The following IL12RB1 variants were observed in gnomAD, a reference collection of about 807,000 sequenced individuals.
IL12RB1 encodes interleukin 12 receptor subunit beta 1.
Under a neutral mutation model 94.4 loss-of-function variants are expected in IL12RB1, and 64 were observed. The observed-to-expected ratio is 0.68, with a 90% confidence interval of 0.55 to 0.83. The LOEUF (loss-of-function observed/expected upper bound fraction) is 0.83. Among genes scored for constraint, IL12RB1 ranks in the 40% least tolerant of loss-of-function variants. The pLI is 0.00. For synonymous variants in IL12RB1, 362 were observed against 355.5 expected, an observed-to-expected ratio of 1.02 and a Z score of -0.21; for missense variants, 814 against 855.6, an observed-to-expected ratio of 0.95 and a Z score of 0.61.
intron 2 of IL12RB1, 33 bp from the exon 3 acceptor site, chr19:18,082,297 C>T (rs2146418186): frequency 1.5e-6 from 2 of 1,353,076 alleles, no homozygotes; most frequent in Non-Finnish European, 2.1e-6. Context: ...GGGAACAGAC[C>T]AGAGTCTGGA....
chr19:18,098,723 T>TCC (rs769763547), intron 1 of IL12RB1: 4 of 456,548 alleles, frequency 8.8e-6, no homozygotes, highest in South Asian at 6.2e-5. Context: ...CCACCAAGTT[T>TCC]TCAGGTAGGG....
chr19:18,059,370 G>A lies in IL12RB1; in HGVS notation c.*238C>T, dbSNP rs1291390807. 2.2e-5 allele frequency: 13 copies of A among 603,386 alleles called. No individual in the cohort carries two copies. Among genetic ancestry groups the A allele is most frequent in the Admixed American group, 2.0e-4 (7 of 35,658 alleles). The allele number at this position is 603,386 out of a possible 1,614,324, so 37.4% of individuals were successfully genotyped here. On this transcript the variant is annotated 3_prime_UTR_variant, in exon 17 of 17. Coordinates refer to ENST00000593993, the MANE Select transcript of IL12RB1 (RefSeq NM_005535.3). Reference sequence around the variant, plus strand: ...TCCCAGTCCATTCTACGCCAGAACAGGTAAATGGCAGGGTCTGCTCCTGCC... The same window carrying A: ...TCCCAGTCCATTCTACGCCAGAACAAGTAAATGGCAGGGTCTGCTCCTGCC...
At chr19:18,076,641 C>A (rs2035500209) in intron 5 of IL12RB1, among the ~76,000 whole-genome samples, 1 of 152,080 alleles carries the variant, frequency 6.6e-6, no homozygotes, top group African/African-American at 2.4e-5. Flanking sequence ...TGGCCTCAAG[C>A]AATCCCACCC....
At chr19:18,092,757 GC>G (rs1253596591) in intron 1 of IL12RB1, among the ~76,000 whole-genome samples, 1 of 143,244 alleles carries the variant, frequency 7.0e-6, no homozygotes, top group African/African-American at 2.6e-5. Context: ...TCCCACCTCA[GC>G]CTCCCAAAGT....
At chr19:18,091,048 C>A (rs1173822009), upstream of IL12RB1, among the ~76,000 whole-genome samples, 4 of 151,796 alleles carry the variant, frequency 2.6e-5, no homozygotes, top group Non-Finnish European at 4.4e-5. Context: ...TGGGCTGGGG[C>A]CTCGAGCGCC....
In IL12RB1 at chr19:18,075,714, G is replaced by A. The variant is rs2035422742; in HGVS notation, c.700+35C>T. On this transcript the variant is annotated intron_variant, in intron 7 of 16. Transcript: ENST00000593993. ...CTCCGGCTGTTGCCTTATTTCTAATGCTTGCCCCTGTTCCTGTACTCAGAG... is the reference window on the plus strand; with the variant it reads ...CTCCGGCTGTTGCCTTATTTCTAATACTTGCCCCTGTTCCTGTACTCAGAG... 2.5e-6 allele frequency: 4 copies of A among 1,592,338 alleles called. No homozygotes were observed. The African/African-American group carries it at 4.0e-5, about 16-fold the overall frequency.
intron 5 of IL12RB1, among the ~76,000 whole-genome samples, chr19:18,076,846 A>T (rs893479519): frequency 4.6e-5 from 7 of 152,116 alleles, no homozygotes; most frequent in African/African-American, 1.4e-4. Context: ...AAAATTAATA[A>T]TTATTTTACT....
At chr19:18,063,233 C>T (rs1426150008) in intron 13 of IL12RB1, among the ~76,000 whole-genome samples, 1 of 151,202 alleles carries the variant, frequency 6.6e-6, no homozygotes, top group Non-Finnish European at 1.5e-5. Context: ...GCAGCTGAGA[C>T]TACAGGTGTG....
At chr19:18,088,565 TAAA>T (rs778266743), upstream of IL12RB1, among the ~76,000 whole-genome samples, 3 of 129,628 alleles carry the variant, frequency 2.3e-5, no homozygotes, top group Non-Finnish European at 1.7e-5. Flanking sequence ...TCCTGTCTCT[TAAA>T]AAAAAAAAAA....
intron 1 of IL12RB1, among the ~76,000 whole-genome samples, 176 bp from the exon 2 acceptor site, chr19:18,083,667 A>C (rs1482472951): frequency 2.2e-5 from 3 of 133,934 alleles, no homozygotes; most frequent in Non-Finnish European, 4.6e-5. Context: ...TTATCTGCCC[A>C]TCTACCCATC....
chr19:18,081,872 A>ATGGATGGATGGT (rs1463484497), intron 3 of IL12RB1, among the ~76,000 whole-genome samples: 113 of 151,982 alleles, frequency 7.4e-4, no homozygotes, highest in African/African-American at 2.6e-3. Flanking sequence ...GGATGGATGG[A>ATGGATGGATGGT]TGGATGGATG....
intron 8 of IL12RB1, among the ~76,000 whole-genome samples, chr19:18,072,717 A>G (rs1361293311): frequency 1.3e-5 from 2 of 151,982 alleles, no homozygotes; most frequent in African/African-American, 2.4e-5. Flanking sequence ...GGAGGCCGAG[A>G]CGGGTAGATC....
chr19:18,073,677 T>C, intron 7 of IL12RB1, 78 bp from the exon 8 acceptor site: 1 of 887,234 alleles, frequency 1.1e-6, no homozygotes, highest in Non-Finnish European at 1.9e-6. Flanking sequence ...AAATGATGGA[T>C]TCTCCACATT....
rs570001801 is a variant in IL12RB1, at chr19:18,078,471, G to A, written c.410-816C>T. Among the ~76,000 whole-genome samples the A allele has an allele frequency of 1.8e-4, 28 of 151,868 alleles. 1 individual carries two copies. The highest frequency in any genetic ancestry group is 5.1e-4 in the African/African-American group (21 of 41,464). On this transcript the variant is annotated intron_variant, in intron 4 of 16. Coordinates refer to ENST00000593993, the MANE Select transcript of IL12RB1 (RefSeq NM_005535.3). ...ATTTTTAATAAAGATTTATACACAGGATCCTGTTAGTGAAGATAACTTTAA... is the reference window on the plus strand; with the variant it reads ...ATTTTTAATAAAGATTTATACACAGAATCCTGTTAGTGAAGATAACTTTAA...
chr19:18,080,917 C>T lies in IL12RB1; in HGVS notation c.324G>A (p.Leu108=), dbSNP rs756976448. The change falls in exon 4 of 17, where the codon CTG becomes CTA. Residue 108 remains leucine (L), a synonymous_variant. Transcript: ENST00000593993. Reference sequence around the variant, plus strand: ...ATTCCACCCAGAGTGTGACAGTGTACAGCACAGACACCCCAGCCTGGTCGG... The same window carrying T: ...ATTCCACCCAGAGTGTGACAGTGTATAGCACAGACACCCCAGCCTGGTCGG... ...QFSDQAGVSV[L]YTVTLWVESW... 1.3e-5 allele frequency: 21 copies of T among 1,613,522 alleles called. No individual in the cohort carries two copies. Among genetic ancestry groups the T allele is most frequent in the Middle Eastern group, 3.3e-4 (2 of 6,082 alleles).
intron 1 of IL12RB1, among the ~76,000 whole-genome samples, chr19:18,093,622 G>A (rs971842939): frequency 3.3e-5 from 5 of 152,126 alleles, no homozygotes; most frequent in African/African-American, 1.2e-4. Flanking sequence ...CCCAGGGAGG[G>A]CTCTGATAGG....
chr19:18,064,140 T>TTTC (rs1568488138), intron 12 of IL12RB1, 130 bp from the exon 13 acceptor site: 1 of 363,046 alleles, frequency 2.8e-6, no homozygotes, highest in Non-Finnish European at 4.8e-6. Context: ...CTTTCTTTCT[T>TTTC]TTTTTTTTTT....
intron 1 of IL12RB1, among the ~76,000 whole-genome samples, chr19:18,096,677 A>C (rs527398592): frequency 6.6e-6 from 1 of 152,002 alleles, no homozygotes; most frequent in African/African-American, 2.4e-5. Flanking sequence ...TCTACCAAAA[A>C]TACAAAAAAT....
chr19:18,073,507 G>T lies in IL12RB1; in HGVS notation c.783+10C>A. ...CAGGCCACCCCACAGCCCTGTGACAGCCCCGTTACCTGCTCTTTCAGGGTC... is the reference window on the plus strand; with the variant it reads ...CAGGCCACCCCACAGCCCTGTGACATCCCCGTTACCTGCTCTTTCAGGGTC... On this transcript the variant is annotated intron_variant, in intron 8 of 16. Transcript: ENST00000593993. 1 of 1,573,624 alleles carries T rather than the reference G, an allele frequency of 6.4e-7. No individual in the cohort carries two copies. Among genetic ancestry groups the T allele is most frequent in the Non-Finnish European group, 8.7e-7 (1 of 1,143,254 alleles).
Sources: allele counts gnomAD v4.1 joint callset (sites outside exome capture counted in the v4.1 genomes callset), GRCh38; gene constraint gnomAD v4.1.1; transcripts MANE v1.5; gene names NCBI Gene and HGNC (gene_info 2026-07-23, HGNC 2026-07-21).